The following PHF21B variants were observed in gnomAD, a reference collection of about 807,000 sequenced individuals.
PHF21B encodes the protein PHD finger protein 4.
A neutral mutation model predicts 62.2 loss-of-function variants in PHF21B; 22 were observed. The ratio of observed to expected loss-of-function variants is 0.35; its 90% CI spans 0.25 to 0.51. The LOEUF is 0.51. PHF21B is among the 20% of genes least tolerant of loss of function. The pLI is 0.97. For missense variants in PHF21B, 701 were observed against 707.9 expected, an observed-to-expected ratio of 0.99 and a Z score of 0.11; for synonymous variants, 341 against 314.7, an observed-to-expected ratio of 1.08 and a Z score of -0.88.
intron 2 of PHF21B, among the ~76,000 whole-genome samples, chr22:44,959,844 G>A (rs1168526950): frequency 1.3e-5 from 2 of 152,202 alleles, no homozygotes; most frequent in Admixed American, 6.5e-5. Context: ...AGGAGTTCAG[G>A]AGATGCAAGC....
intron 2 of PHF21B, among the ~76,000 whole-genome samples, chr22:44,985,946 C>A (rs116047802): frequency 0.02 from 3,046 of 149,332 alleles, 96 homozygotes; most frequent in African/African-American, 0.07. Context: ...CTACCATCAC[C>A]ATGATCACCA....
intron 2 of PHF21B, among the ~76,000 whole-genome samples, chr22:44,985,626 G>T (rs2072931332): frequency 6.8e-6 from 1 of 147,972 alleles, no homozygotes; most frequent in Admixed American, 6.7e-5. Context: ...GAAGAAAAAA[G>T]AAAAACAACT....
intron 2 of PHF21B, among the ~76,000 whole-genome samples, chr22:44,939,865 CAGG>C (rs2071922372): frequency 6.6e-6 from 1 of 152,062 alleles, no homozygotes; most frequent in African/African-American, 2.4e-5. Context: ...GCAGGGAGAC[CAGG>C]AGGAGGTTGC....
At chr22:44,971,398 G>T (rs552333794) in intron 2 of PHF21B, 5 of 152,246 alleles carry the variant, frequency 3.3e-5, no homozygotes, top group African/African-American at 9.6e-5. Flanking sequence ...AGGGCCATTC[G>T]GGGTAGGCAG....
chr22:44,923,805 G>A (rs1450399870), intron 2 of PHF21B, among the ~76,000 whole-genome samples: 2 of 151,916 alleles, frequency 1.3e-5, no homozygotes, highest in Non-Finnish European at 2.9e-5. Flanking sequence ...ATCTCTTGAG[G>A]CCAGGAGTTC....
intron 7 of PHF21B, among the ~76,000 whole-genome samples, chr22:44,891,953 G>C (rs547913011): frequency 4.3e-4 from 66 of 152,286 alleles, no homozygotes; most frequent in African/African-American, 1.6e-3. Context: ...CACTTCTCTC[G>C]GTGTGGTCAG....
chr22:44,983,959 C>G lies in PHF21B; in HGVS notation c.120+24586G>C, dbSNP rs201881075. ...ACTCTGAGGAACTGGAGCTGGGCCC[C>G]TTTCCGACATGCCGATGTCCTCAAT... On this transcript the variant is annotated intron_variant, in intron 2 of 12. Coordinates refer to ENST00000313237, the MANE Select transcript of PHF21B (RefSeq NM_138415.5). Among the ~76,000 whole-genome samples, 123 of 151,898 alleles carry G rather than the reference C, an allele frequency of 8.1e-4. 1 individual carries two copies. Among genetic ancestry groups the G allele is most frequent in the East Asian group, 5.9e-4 (3 of 5,056 alleles).
At chr22:44,991,908 T>G (rs1337514791) in intron 2 of PHF21B, among the ~76,000 whole-genome samples, 1 of 152,254 alleles carries the variant, frequency 6.6e-6, no homozygotes, top group Non-Finnish European at 1.5e-5. Flanking sequence ...ATTTAGTAAA[T>G]GAGTCAATTG....
intron 3 of PHF21B, among the ~76,000 whole-genome samples, chr22:44,918,381 C>T (rs1040972475): frequency 3.9e-5 from 6 of 152,352 alleles, no homozygotes; most frequent in Middle Eastern, 6.8e-3. Flanking sequence ...ATCACAGATG[C>T]CAGACACAGA....
chr22:45,006,762 A>G (rs1183975468), intron 2 of PHF21B, among the ~76,000 whole-genome samples: 1 of 152,090 alleles, frequency 6.6e-6, no homozygotes, highest in East Asian at 1.9e-4. Flanking sequence ...TAAATCTTCT[A>G]GGAGCGTACG....
chr22:44,988,766 G>A (rs970486733), intron 2 of PHF21B, among the ~76,000 whole-genome samples: 1 of 152,216 alleles, frequency 6.6e-6, no homozygotes, highest in African/African-American at 2.4e-5. Context: ...GGCATATGCT[G>A]TGGTCATTTT....
chr22:45,007,257 C>T (rs1197191273), intron 2 of PHF21B, among the ~76,000 whole-genome samples: 1 of 151,982 alleles, frequency 6.6e-6, no homozygotes, highest in Non-Finnish European at 1.5e-5. Flanking sequence ...CGCACGCCCC[C>T]TCCCATCACT....
chr22:44,941,647 G>T (rs570081156), intron 2 of PHF21B, among the ~76,000 whole-genome samples: 1 of 152,348 alleles, frequency 6.6e-6, no homozygotes, highest in South Asian at 2.1e-4. Context: ...TGGGGCAGGG[G>T]TGGACGGAGT....
At chr22:44,927,556 G>A (rs1490942586) in intron 2 of PHF21B, among the ~76,000 whole-genome samples, 2 of 152,304 alleles carry the variant, frequency 1.3e-5, no homozygotes, top group South Asian at 2.1e-4. Flanking sequence ...TGGGGACGGT[G>A]GGTTCCTTTT....
chr22:44,928,433 G>T (rs557037936), intron 2 of PHF21B, among the ~76,000 whole-genome samples: 1 of 151,930 alleles, frequency 6.6e-6, no homozygotes, highest in African/African-American at 2.4e-5. Context: ...TTTTTGAGAC[G>T]GAGTCTTGCT....
intron 2 of PHF21B, among the ~76,000 whole-genome samples, chr22:44,965,981 C>T (rs916244383): frequency 4.6e-5 from 7 of 152,232 alleles, no homozygotes; most frequent in Admixed American, 6.5e-5. Context: ...CCGGCTCCCA[C>T]GGGCCTGCTC....
At chr22:44,945,396 G>A (rs182340372) in intron 2 of PHF21B, among the ~76,000 whole-genome samples, 2 of 152,330 alleles carry the variant, frequency 1.3e-5, no homozygotes, top group Admixed American at 1.3e-4. Flanking sequence ...TTCCCAAGCA[G>A]CCGCCCCTAG....
intron 2 of PHF21B, among the ~76,000 whole-genome samples, chr22:44,963,177 C>G (rs2072458597): frequency 6.6e-6 from 1 of 152,218 alleles, no homozygotes; most frequent in Admixed American, 6.5e-5. Flanking sequence ...CTTCTGGGAA[C>G]AGAGGGGAAA....
intron 2 of PHF21B, among the ~76,000 whole-genome samples, chr22:44,985,570 C>T (rs1251259009): frequency 1.3e-5 from 2 of 151,398 alleles, no homozygotes; most frequent in Non-Finnish European, 2.9e-5. Context: ...CGAGCTCCAC[C>T]CTGGGCAAGA....
Sources: allele counts gnomAD v4.1 joint callset (sites outside exome capture counted in the v4.1 genomes callset), GRCh38; gene constraint gnomAD v4.1.1; transcripts MANE v1.5; gene names NCBI Gene and HGNC (gene_info 2026-07-23, HGNC 2026-07-21).